The following DLG2 variants were observed in gnomAD, a reference collection of about 807,000 sequenced individuals.
The protein encoded by DLG2 is disks large homolog 2.
In DLG2, 45 loss-of-function variants were observed where a neutral mutation model predicts 132.5. That is an observed-to-expected ratio of 0.34 (90% CI 0.27 to 0.44). The LOEUF is 0.44. DLG2 is among the 20% of genes least tolerant of loss of function. The pLI is 1.00. For synonymous variants in DLG2, 424 were observed against 419.6 expected, an observed-to-expected ratio of 1.01 and a Z score of -0.13; for missense variants, 1,045 against 1,196.9, an observed-to-expected ratio of 0.87 and a Z score of 1.87.
At chr11:85,277,276 A>G (rs2077950840) in intron 4 of DLG2, among the ~76,000 whole-genome samples, 1 of 152,192 alleles carries the variant, frequency 6.6e-6, no homozygotes, top group South Asian at 2.1e-4. Flanking sequence ...AAATCTGTAG[A>G]AAGATTCTAT....
At chr11:84,858,847 C>T (rs542034914) in intron 6 of DLG2, among the ~76,000 whole-genome samples, 1 of 151,680 alleles carries the variant, frequency 6.6e-6, no homozygotes, top group South Asian at 2.1e-4. Context: ...CAAAAAGAAA[C>T]AATTAGTTCT....
intron 3 of DLG2, among the ~76,000 whole-genome samples, chr11:85,305,831 C>CAA (rs2079904902): frequency 6.6e-6 from 1 of 152,152 alleles, no homozygotes; most frequent in Non-Finnish European, 1.5e-5. Context: ...TTCTTTTATA[C>CAA]TGTGAAAGGA....
At chr11:84,168,509 C>T (rs959498229) in intron 8 of DLG2, among the ~76,000 whole-genome samples, 1 of 152,130 alleles carries the variant, frequency 6.6e-6, no homozygotes, top group African/African-American at 2.4e-5. Context: ...CTTGTCACTT[C>T]CAGAGTAAGG....
intron 18 of DLG2, among the ~76,000 whole-genome samples, chr11:83,674,027 T>G (rs2077282390): frequency 6.6e-6 from 1 of 152,312 alleles, no homozygotes; most frequent in Non-Finnish European, 1.5e-5. Context: ...AGTTACACAT[T>G]GTTTCTGTGT....
At chr11:83,803,705 G>C (rs778369803) in intron 17 of DLG2, among the ~76,000 whole-genome samples, 5 of 152,048 alleles carry the variant, frequency 3.3e-5, no homozygotes, top group East Asian at 1.9e-4. Flanking sequence ...AAGTGAAAAG[G>C]GTTCTTGTTT....
chr11:85,139,231 C>A (rs1415079421), intron 5 of DLG2, among the ~76,000 whole-genome samples: 2 of 152,072 alleles, frequency 1.3e-5, no homozygotes, highest in East Asian at 1.9e-4. Context: ...AGAGCAGGAA[C>A]CTTATGTTTT....
intron 6 of DLG2, among the ~76,000 whole-genome samples, chr11:84,587,002 C>T (rs1327857055): frequency 6.6e-6 from 1 of 152,118 alleles, no homozygotes; most frequent in African/African-American, 2.4e-5. Flanking sequence ...TTTGCAGACA[C>T]TTGAATCATT....
chr11:84,506,928 C>A (rs1386288214), intron 7 of DLG2, among the ~76,000 whole-genome samples: 2 of 152,190 alleles, frequency 1.3e-5, no homozygotes, highest in African/African-American at 4.8e-5. Context: ...GCAACCATGG[C>A]TTAAAGGTAT....
At chr11:83,710,252 T>G (rs1006751287) in intron 18 of DLG2, among the ~76,000 whole-genome samples, 1 of 151,906 alleles carries the variant, frequency 6.6e-6, no homozygotes, top group Non-Finnish European at 1.5e-5. Flanking sequence ...AATCTCCGCC[T>G]CCTGGATTCA....
At chr11:84,037,041 G>A (rs2095882951) in intron 11 of DLG2, among the ~76,000 whole-genome samples, 1 of 152,048 alleles carries the variant, frequency 6.6e-6, no homozygotes, top group Non-Finnish European at 1.5e-5. Context: ...AACAATTTAG[G>A]GTAGAAATAC....
chr11:85,182,359 G>A (rs1397681057), intron 4 of DLG2, among the ~76,000 whole-genome samples: 1 of 151,856 alleles, frequency 6.6e-6, no homozygotes, highest in Non-Finnish European at 1.5e-5. Flanking sequence ...ACATGTTAAA[G>A]TGATCAAGTG....
chr11:84,014,832 CA>C (rs1240223299), intron 11 of DLG2, among the ~76,000 whole-genome samples: 2 of 142,676 alleles, frequency 1.4e-5, no homozygotes, highest in African/African-American at 5.8e-5. Flanking sequence ...AATCCTGATA[CA>C]GACTTTTTTT....
intron 7 of DLG2, chr11:84,273,321 A>G: frequency 7.1e-7 from 1 of 1,404,570 alleles, no homozygotes; most frequent in Non-Finnish European, 9.3e-7. Context: ...AAAAAAAAAA[A>G]AAAAAAAACC....
chr11:85,148,065 C>T (rs1454170790), intron 5 of DLG2, among the ~76,000 whole-genome samples: 1 of 152,064 alleles, frequency 6.6e-6, no homozygotes, highest in Non-Finnish European at 1.5e-5. Flanking sequence ...CATCCATGTC[C>T]CTGCAAAAGA....
intron 6 of DLG2, among the ~76,000 whole-genome samples, chr11:84,755,369 G>A (rs1458293793): frequency 6.6e-6 from 1 of 152,158 alleles, no homozygotes; most frequent in African/African-American, 2.4e-5. Flanking sequence ...TTCTGGGCTG[G>A]GCCTGTGGTT....
At chr11:83,612,102 C>G (rs2060202849) in intron 19 of DLG2, among the ~76,000 whole-genome samples, 1 of 152,106 alleles carries the variant, frequency 6.6e-6, no homozygotes, top group African/African-American at 2.4e-5. Flanking sequence ...TAGGATCATA[C>G]TTTTTCCAAG....
intron 19 of DLG2, among the ~76,000 whole-genome samples, chr11:83,614,643 T>C (rs2060546312): frequency 1.3e-5 from 2 of 152,042 alleles, no homozygotes; most frequent in Admixed American, 6.6e-5. Flanking sequence ...CACCTGAGCC[T>C]GGGGAGGTTG....
At chr11:85,578,723 T>G (rs2078319979) in intron 3 of DLG2, among the ~76,000 whole-genome samples, 1 of 152,058 alleles carries the variant, frequency 6.6e-6, no homozygotes, top group African/African-American at 2.4e-5. Flanking sequence ...CTACAAAGTG[T>G]TAAAATAACA....
At chr11:83,478,833 T>C (rs2092842471) in intron 22 of DLG2, among the ~76,000 whole-genome samples, 1 of 152,036 alleles carries the variant, frequency 6.6e-6, no homozygotes, top group Admixed American at 6.6e-5. Context: ...AAATAAGTTA[T>C]ATTTTTCTAC....
Sources: gnomAD v4.1 joint callset for allele counts (sites outside exome capture counted in the v4.1 genomes callset) on GRCh38, gnomAD v4.1.1 for gene constraint, MANE v1.5 for transcripts, NCBI Gene and HGNC (gene_info 2026-07-23, HGNC 2026-07-21) for gene names.